ARHGEF40: variants seen among roughly 807,000 people sequenced by gnomAD.
ARHGEF40 encodes Rho guanine nucleotide exchange factor (GEF) 40.
A neutral mutation model predicts 165.9 loss-of-function variants in ARHGEF40; 98 were observed. The ratio of observed to expected loss-of-function variants is 0.59; its 90% CI spans 0.50 to 0.70. ARHGEF40 has a LOEUF of 0.70. ARHGEF40 is among the 30% of genes least tolerant of loss of function. The probability of loss-of-function intolerance (pLI) is 0.00; values close to 1 mark genes in which losing one functional copy is unlikely to be tolerated. For missense variants in ARHGEF40, 1,815 were observed against 1,968.0 expected, an observed-to-expected ratio of 0.92 and a Z score of 1.47; for synonymous variants, 792 against 814.3, an observed-to-expected ratio of 0.97 and a Z score of 0.47.
chr14:21,061,796 G>T, the ARHGEF40 span, among the ~76,000 whole-genome samples: 90 of 152,298 alleles, frequency 5.9e-4, no homozygotes, highest in African/African-American at 1.9e-3. Flanking sequence ...AATGCACATG[G>T]TTTGAAATGA....
Position 21,087,482 on chromosome 14 carries a change from G to A in ARHGEF40, c.4387+19G>A. On this transcript the variant is annotated intron_variant, in intron 21 of 23. Transcript: ENST00000298694. ...TCCCTGGGTGAGGCACCTCTCAAGGGGTGGCTCCCAACAGCTCGGTCATGG... is the reference window on the plus strand; with the variant it reads ...TCCCTGGGTGAGGCACCTCTCAAGGAGTGGCTCCCAACAGCTCGGTCATGG... 6.3e-7 allele frequency: 1 copy of A among 1,599,526 alleles called. No individual in the cohort carries two copies. Among genetic ancestry groups the A allele is most frequent in the Non-Finnish European group, 8.5e-7 (1 of 1,179,182 alleles).
chr14:21,078,451 G>A lies in ARHGEF40; in HGVS notation c.2209G>A (p.Ala737Thr), dbSNP rs1056761341. The A allele has an allele frequency of 6.2e-7, 1 of 1,609,494 alleles. No homozygotes were observed. Among genetic ancestry groups the A allele is most frequent in the Non-Finnish European group, 8.5e-7 (1 of 1,177,176 alleles). ...RLTALQRDGG[A>T]ILMRLRSTPS... ...GACGGCACTGCAGAGGGATGGGGGG[G>A]CCATCCTGATGAGGCTGCGCTCCAC... The change falls in exon 10 of 24, where the codon GCC (alanine) becomes ACC (threonine). Residue 737 changes from alanine to threonine, a missense_variant. Physicochemically the swap from Ala to Thr is moderately conservative, Grantham distance 58. Coordinates refer to ENST00000298694, the MANE Select transcript of ARHGEF40 (RefSeq NM_018071.5).
Position 21,073,154 on chromosome 14 carries a change from G to A in ARHGEF40, c.113G>A (p.Arg38Lys), listed in dbSNP as rs767249770. ...LLGQVFQVVE[R>K]TYREDALRYT... ...GGCCAGGTGTTCCAGGTGGTGGAGA[G>A]GACTTATCGGGAGGACGCACTGAGG... The change falls in exon 2 of 24, where the codon AGG becomes AAG. Residue 38 changes from arginine to lysine, a missense_variant. Transcript: ENST00000298694. This position sits in a 1 kb window ranked among gnomAD's most constrained non-coding sequence, Gnocchi z 4.6. 6.2e-7 allele frequency: 1 copy of A among 1,614,154 alleles called. No individual in the cohort carries two copies. Among genetic ancestry groups the A allele is most frequent in the South Asian group, 1.1e-5 (1 of 91,074 alleles).
At chr14:21,080,238 ACACACACACACC>A (rs1365374592) in intron 11 of ARHGEF40, among the ~76,000 whole-genome samples, 1,260 of 90,304 alleles carry the variant, frequency 0.014, 19 homozygotes, top group African/African-American at 0.041. Context: ...ACACACACAC[ACACACACACACC>A]CCTTCTGTAC....
In ARHGEF40 at chr14:21,087,387, TTCGCCGGGAGCCTGCTCCC is replaced by T; in HGVS notation, c.4313_4331del (p.Ser1438CysfsTer58). 1 of 1,603,636 alleles carries T rather than the reference TTCGCCGGGAGCCTGCTCCC, an allele frequency of 6.2e-7. No individual in the cohort carries two copies. The highest frequency in any genetic ancestry group is 8.5e-7 in the Non-Finnish European group (1 of 1,179,872). The stretch of plus-strand genomic sequence containing the variant: ...ATGCCGGCCCCTCCCTTCCCGGCCT[TTCGCCGGGAGCCTGCTCCC>T]TGCCTGCCCGCGTCGAGGAGGAGGC... On this transcript the variant is annotated frameshift_variant, in exon 21 of 24. Transcript: ENST00000298694. LOFTEE classifies it high-confidence loss of function.
In ARHGEF40 at chr14:21,087,124, G is replaced by A; in HGVS notation, c.4243+19G>A. 2 of 1,606,580 alleles carry A rather than the reference G, an allele frequency of 1.2e-6. No individual in the cohort carries two copies. On this transcript the variant is annotated intron_variant, in intron 20 of 23. Coordinates refer to ENST00000298694, the MANE Select transcript of ARHGEF40 (RefSeq NM_018071.5). ...GGAAGAGGTGAGGGCCAGGGTGCTG[G>A]GGGGTGGCCCCCAGGAGTGAAGACC...
chr14:21,081,590 C>T lies in ARHGEF40; in HGVS notation c.2722C>T (p.Leu908=). The stretch of plus-strand genomic sequence containing the variant: ...GGAGGCTGTGCTGGCTGCACTGGCC[C>T]TGCGGCGGGCCCCAGAGCCCAGTGC... ...GREAVLAALA[L]RRAPEPSAGT... The change falls in exon 14 of 24, where the codon CTG becomes TTG. Residue 908 remains leucine, a synonymous_variant. Coordinates refer to ENST00000298694, the MANE Select transcript of ARHGEF40 (RefSeq NM_018071.5). The T allele has an allele frequency of 1.2e-6, 2 of 1,611,782 alleles. No homozygotes were observed. The highest frequency in any genetic ancestry group is 1.7e-6 in the Non-Finnish European group (2 of 1,179,516).
At chr14:21,082,196 T>G in intron 14 of ARHGEF40, 48 bp from the exon 15 acceptor site, 1 of 1,577,336 alleles carries the variant, frequency 6.3e-7, no homozygotes, top group Non-Finnish European at 8.6e-7. Flanking sequence ...TTGTTGGGGG[T>G]ACTGGCTCCC....
chr14:21,080,545 T>C, intron 11 of ARHGEF40, 115 bp from the exon 12 acceptor site: 1 of 1,191,754 alleles, frequency 8.4e-7, no homozygotes, highest in Non-Finnish European at 1.2e-6. Flanking sequence ...GCAGATGAGA[T>C]GCAATAGTTC....
Position 21,070,539 on chromosome 14 carries a change from C to A in ARHGEF40, c.3+140C>A. Reference sequence around the variant, plus strand: ...TGGGACTCTCCTCCCTCCCATCCCCCCTTCTTCGATTTGTCTGTCTGCCCG... The same window carrying A: ...TGGGACTCTCCTCCCTCCCATCCCCACTTCTTCGATTTGTCTGTCTGCCCG... On this transcript the variant is annotated intron_variant, in intron 1 of 23. Transcript: ENST00000298694. The surrounding 1 kb of genome is among the most constrained non-coding windows in gnomAD (Gnocchi z 4.7). The A allele has an allele frequency of 1.8e-6, 2 of 1,088,530 alleles. No individual in the cohort carries two copies. Among genetic ancestry groups the A allele is most frequent in the Non-Finnish European group, 2.5e-6 (2 of 799,116 alleles). The allele number at this position is 1,088,530 out of a possible 1,614,324, so 67.4% of individuals were successfully genotyped here.
At position 21,076,390 on chromosome 14, in the gene ARHGEF40, C is replaced by T. The variant is rs1887419970; in HGVS notation, c.1770C>T (p.Val590=). Residue 590 remains valine, a synonymous_variant, in exon 6 of 24, where the codon GTC becomes GTT. Coordinates refer to ENST00000298694, the MANE Select transcript of ARHGEF40 (RefSeq NM_018071.5). ...ATCTACAGACACTGGGGCTGTCCGT[C>T]CTGCTGGACCTTCGTCAGGCACCTC... ...RPDLQTLGLS[V]LLDLRQAPPL... is the part of the protein sequence containing the mutation. 1 of 1,613,620 alleles carries T rather than the reference C, an allele frequency of 6.2e-7. No homozygotes were observed. The highest frequency in any genetic ancestry group is 1.1e-5 in the South Asian group (1 of 91,084).
chr14:21,081,519 G>T lies in ARHGEF40; in HGVS notation c.2651G>T (p.Trp884Leu). ...LQRFFQQAHE[W>L]VDEGFARLAG... The stretch of plus-strand genomic sequence containing the variant: ...CCTTTGACTTCGTAGGCACATGAAT[G>T]GGTGGATGAGGGCTTTGCTCGGCTG... Residue 884 changes from tryptophan (W) to leucine (L), a missense_variant, in exon 14 of 24, where the codon TGG becomes TTG. Coordinates refer to ENST00000298694, the MANE Select transcript of ARHGEF40 (RefSeq NM_018071.5). The T allele has an allele frequency of 1.2e-6, 2 of 1,613,064 alleles. No individual in the cohort carries two copies. Among genetic ancestry groups the T allele is most frequent in the Non-Finnish European group, 1.7e-6 (2 of 1,179,918 alleles).
intron 20 of ARHGEF40, 29 bp from the exon 21 acceptor site, chr14:21,087,290 AC>A: frequency 6.3e-7 from 1 of 1,596,360 alleles, no homozygotes. Flanking sequence ...CCACACCAGC[AC>A]CCCACCCCCC....
intron 5 of ARHGEF40, 126 bp from the exon 6 acceptor site, chr14:21,076,234 G>C: frequency 1.3e-6 from 1 of 787,046 alleles, no homozygotes; most frequent in South Asian, 1.7e-5. Flanking sequence ...CTTCCCAAAT[G>C]TACCGGCAAC....
rs749144519 is a variant in ARHGEF40, at chr14:21,087,340, G to A, written c.4264G>A (p.Val1422Met). ...TGRAARTRAS[V>M]AVSSFEHAGP... ...TGCAGCCGCCCGCACCCGGGCCTCCGTGGCCGTGTCATCCTTTGAGCATGC... is the reference window on the plus strand; with the variant it reads ...TGCAGCCGCCCGCACCCGGGCCTCCATGGCCGTGTCATCCTTTGAGCATGC... Residue 1422 changes from valine to methionine, a missense_variant, in exon 21 of 24, where the codon GTG becomes ATG. Transcript: ENST00000298694. 15 of 1,605,774 alleles carry A rather than the reference G, an allele frequency of 9.3e-6. No individual in the cohort carries two copies. Among genetic ancestry groups the A allele is most frequent in the Admixed American group, 3.3e-5 (2 of 59,986 alleles).
chr14:21,070,129 A>C, upstream of ARHGEF40: 1 of 205,518 alleles, frequency 4.9e-6, no homozygotes. The surrounding 1 kb of genome is among the most constrained non-coding windows in gnomAD (Gnocchi z 4.7). Context: ...GGGGAACGGC[A>C]GAGATCTCGG....
rs1251444911 is a variant in ARHGEF40, at chr14:21,076,353, C to G, written c.1740-7C>G. ...AGCAGCCTCCTTGGCTCTTCCTGCT[C>G]CCGCAGGCCTGATCTACAGACACTG... On this transcript the variant is annotated splice_region_variant and splice_polypyrimidine_tract_variant and intron_variant, in intron 5 of 23. Transcript: ENST00000298694. 5.6e-6 allele frequency: 9 copies of G among 1,612,280 alleles called. No homozygotes were observed. The highest frequency in any genetic ancestry group is 2.2e-5 in the East Asian group (1 of 44,884).
rs1886644940 is a variant in ARHGEF40 at position 21,070,474 on chromosome 14, C to T, written c.3+75C>T. ...CGCTCCGGGCCCCCAAGTCCTCAGC[C>T]TGGTGCCTCCCGAGCCTGCCTCGGA... On this transcript the variant is annotated intron_variant, in intron 1 of 23. Coordinates refer to ENST00000298694, the MANE Select transcript of ARHGEF40 (RefSeq NM_018071.5). The surrounding 1 kb of genome is among the most constrained non-coding windows in gnomAD (Gnocchi z 4.7). The T allele has an allele frequency of 1.5e-6, 2 of 1,355,000 alleles. No homozygotes were observed. Among genetic ancestry groups the T allele is most frequent in the Non-Finnish European group, 1.9e-6 (2 of 1,057,394 alleles). 83.9% of individuals were successfully genotyped at this position (1,355,000 alleles called of 1,614,324 possible). A position where few individuals can be genotyped will look rare whatever the true frequency, so the allele number is the denominator to read the frequency against.
In ARHGEF40 at chr14:21,085,850, G is replaced by C; in HGVS notation, c.4122G>C (p.Gln1374His). ...CTATTGCCCAGCTGCTGTGGAGACA[G>C]GCAGCCCACAACAAGGGTACTGGGC... ...TSSIAQLLWR[Q>H]AAHNKELRVQ... The change falls in exon 19 of 24, where the codon CAG (glutamine) becomes CAC (histidine). Residue 1374 changes from glutamine to histidine, a missense_variant. Physicochemically the swap from Gln to His is conservative, Grantham distance 24 (BLOSUM62 0). Transcript: ENST00000298694. The C allele has an allele frequency of 6.2e-7, 1 of 1,614,046 alleles. No individual in the cohort carries two copies. The highest frequency in any genetic ancestry group is 8.5e-7 in the Non-Finnish European group (1 of 1,180,042).
Sources: allele counts gnomAD v4.1 joint callset (sites outside exome capture counted in the v4.1 genomes callset), GRCh38; gene constraint gnomAD v4.1.1; non-coding constraint Gnocchi (gnomAD v3.1); transcripts MANE v1.5; gene names NCBI Gene and HGNC (gene_info 2026-07-23, HGNC 2026-07-21).